CD79B: variants seen among roughly 807,000 people sequenced by gnomAD.
The protein encoded by CD79B is CD79b molecule, also known as B-cell antigen receptor complex-associated protein beta chain.
A neutral mutation model predicts 30.0 loss-of-function variants in CD79B; 7 were observed. The observed-to-expected ratio is 0.23, with a 90% confidence interval of 0.13 to 0.44. The LOEUF (loss-of-function observed/expected upper bound fraction) is 0.44. Among genes scored for constraint, CD79B ranks in the 20% least tolerant of loss-of-function variants. The pLI, the probability that CD79B is intolerant of heterozygous loss-of-function variation, is 1.00. For synonymous variants in CD79B, 118 were observed against 119.2 expected (o/e 0.99, Z 0.07); for missense variants, 218 against 299.1 (o/e 0.73, Z 2.00).
At position 63,931,316 on chromosome 17, in the gene CD79B, G is replaced by C. The variant is rs200473170; in HGVS notation, c.118+19C>G. The C allele has an allele frequency of 6.2e-7, 1 of 1,612,974 alleles. No individual in the cohort carries two copies. The highest frequency in any genetic ancestry group is 1.1e-5 in the South Asian group (1 of 91,044). On this transcript the variant is annotated intron_variant, in intron 2 of 5. Coordinates refer to ENST00000006750, the MANE Select transcript of CD79B (RefSeq NM_000626.4). ...TCGCACACAACTTGCCCTCAGAAGC[G>C]GCAGGCGAGGCTACTGACCTTTGGG...
chr17:63,931,803 T>C, intron 1 of CD79B: 1 of 373,710 alleles, frequency 2.7e-6, no homozygotes, highest in Non-Finnish European at 5.1e-6. Flanking sequence ...ATCTTTCACC[T>C]CCCAGAGGAG....
intron 4 of CD79B, 23 bp downstream of exon 4, chr17:63,929,746 AG>A (rs763704741): frequency 6.4e-7 from 1 of 1,553,014 alleles, no homozygotes; most frequent in South Asian, 1.1e-5. Flanking sequence ...CGGTCCCCCA[AG>A]GCTTCCCCCG....
intron 1 of CD79B, 50 bp from the exon 2 acceptor site, chr17:63,931,435 T>G: frequency 6.3e-7 from 1 of 1,578,984 alleles, no homozygotes; most frequent in South Asian, 1.1e-5. Context: ...TCCTCTGGCC[T>G]GGGCTGCCCC....
chr17:63,930,640 T>C, intron 2 of CD79B: 1 of 570,502 alleles, frequency 1.8e-6, no homozygotes, highest in South Asian at 2.0e-5. Context: ...CGATTTTCCT[T>C]TGGAAGAGCC....
chr17:63,929,758 T>G lies in CD79B; in HGVS notation c.549+12A>C. ...CTGCGGTCCCCCAAGGCTTCCCCCG[T>G]CCCCTGATCACCTTGTCCAGCAGCA... On this transcript the variant is annotated intron_variant, in intron 4 of 5. Coordinates refer to ENST00000006750, the MANE Select transcript of CD79B (RefSeq NM_000626.4). 1 of 1,584,390 alleles carries G rather than the reference T, an allele frequency of 6.3e-7. No homozygotes were observed. The highest frequency in any genetic ancestry group is 8.6e-7 in the Non-Finnish European group (1 of 1,158,416).
In CD79B at chr17:63,928,981, C is replaced by G. The variant is rs1907945558; in HGVS notation, c.*245G>C. 1 of 572,714 alleles carries G rather than the reference C, an allele frequency of 1.7e-6. No individual in the cohort carries two copies. The highest frequency in any genetic ancestry group is 1.9e-5 in the African/African-American group (1 of 53,568). The allele number at this position is 572,714 out of a possible 1,614,324, so 35.5% of individuals were successfully genotyped here. ...GGGGACGGATCACCTCATAGCACCC[C>G]CAGAAGGCTGGGTCCCGTCCATCCC... On this transcript the variant is annotated 3_prime_UTR_variant, in exon 6 of 6. Coordinates refer to ENST00000006750, the MANE Select transcript of CD79B (RefSeq NM_000626.4).
chr17:63,930,667 C>G (rs1027922445), intron 2 of CD79B, among the ~76,000 whole-genome samples: 3 of 152,200 alleles, frequency 2.0e-5, no homozygotes, highest in Non-Finnish European at 4.4e-5. Context: ...CCTTGCCATT[C>G]CTTCCTATGC....
intron 2 of CD79B, chr17:63,930,649 C>G: frequency 1.8e-6 from 1 of 564,692 alleles, no homozygotes; most frequent in Non-Finnish European, 3.2e-6. Context: ...TTTGGAAGAG[C>G]CCTGGGACCT....
chr17:63,929,527 C>T, intron 4 of CD79B, 52 bp from the exon 5 acceptor site: 5 of 1,600,404 alleles, frequency 3.1e-6, no homozygotes, highest in Non-Finnish European at 4.3e-6. Context: ...CCAGCCCCAT[C>T]CCCTGCTGGG....
intron 1 of CD79B, chr17:63,931,860 C>T: frequency 2.2e-6 from 1 of 461,410 alleles, no homozygotes; most frequent in Non-Finnish European, 4.0e-6. Flanking sequence ...GTTGGGACAG[C>T]CTCTCCCCTC....
intron 3 of CD79B, 63 bp downstream of exon 3, chr17:63,930,011 G>T (rs1340762045): frequency 6.3e-7 from 1 of 1,589,594 alleles, no homozygotes; most frequent in Admixed American, 1.7e-5. Flanking sequence ...ATCACCACAA[G>T]AGGCAGGCCG....
At chr17:63,930,858 G>A in intron 2 of CD79B, 3 of 303,162 alleles carry the variant, frequency 9.9e-6, no homozygotes, top group Admixed American at 4.7e-5. Context: ...CCCCCTCCCT[G>A]CATGACTTCC....
At chr17:63,929,599 A>T (rs1440174295) in intron 4 of CD79B, 124 bp from the exon 5 acceptor site, 2 of 1,078,246 alleles carry the variant, frequency 1.9e-6, no homozygotes, top group Non-Finnish European at 2.8e-6. Flanking sequence ...TTCTGCAAGA[A>T]CAGCTGAATG....
In CD79B at chr17:63,929,463, C is replaced by T; in HGVS notation, c.562G>A (p.Ala188Thr). 1 of 1,613,892 alleles carries T rather than the reference C, an allele frequency of 6.2e-7. No individual in the cohort carries two copies. Among genetic ancestry groups the T allele is most frequent in the Non-Finnish European group, 8.5e-7 (1 of 1,180,026 alleles). Residue 188 changes from alanine (A) to threonine (T), a missense_variant, in exon 5 of 6, where the codon GCT becomes ACT. Coordinates refer to ENST00000006750, the MANE Select transcript of CD79B (RefSeq NM_000626.4). ...TAGGTGTGATCTTCCTCCATGCCAGCCTTGCTGTCATCCTGGGGGCGGAGA... is the reference window on the plus strand; with the variant it reads ...TAGGTGTGATCTTCCTCCATGCCAGTCTTGCTGTCATCCTGGGGGCGGAGA... The part of the protein sequence containing the change: ...FLLLDKDDSK[A>T]GMEEDHTYEG...
rs2144755333 is a variant in CD79B, at chr17:63,929,237, C to T, written c.679G>A (p.Gly227Ser). The change falls in exon 6 of 6, where the codon GGC (glycine) becomes AGC (serine). Residue 227 changes from glycine (G) to serine (S), a missense_variant. By Grantham distance (56) the Gly-to-Ser change is moderately conservative. Transcript: ENST00000006750. ...GGGCGACCTGGCTCTCACTCCTGGC[C>T]TGGGTGCTCACCTACAGACCACTTC... ...EVKWSVGEHP[G>S]QE is the part of the protein sequence containing the mutation. The T allele has an allele frequency of 1.2e-6, 2 of 1,612,290 alleles. No homozygotes were observed. The highest frequency in any genetic ancestry group is 1.7e-6 in the Non-Finnish European group (2 of 1,178,356).
At position 63,930,052 on chromosome 17, in the gene CD79B, G is replaced by A. The variant is rs200615521; in HGVS notation, c.430+22C>T. The A allele has an allele frequency of 2.1e-3, 3,410 of 1,612,102 alleles. 3 individuals carry two copies. The highest frequency in any genetic ancestry group is 2.7e-3 in the Admixed American group (163 of 59,850). ...GGGTGGGGCGGACAGCTACAGGAGC[G>A]TCCCAGCCACCTGGCACACACCCAT... On this transcript the variant is annotated intron_variant, in intron 3 of 5. Transcript: ENST00000006750.
intron 4 of CD79B, 141 bp downstream of exon 4, chr17:63,929,629 G>C: frequency 2.0e-6 from 2 of 982,150 alleles, no homozygotes; most frequent in East Asian, 5.0e-5. Flanking sequence ...AGGAAGGAAT[G>C]ATTGAATTGG....
At chr17:63,929,598 A>C (rs1339339488) in intron 4 of CD79B, 123 bp from the exon 5 acceptor site, 7 of 1,101,114 alleles carry the variant, frequency 6.4e-6, no homozygotes, top group Non-Finnish European at 6.9e-6. Context: ...ATTCTGCAAG[A>C]ACAGCTGAAT....
At position 63,932,270 on chromosome 17, in the gene CD79B, C is replaced by T. The variant is rs1213274913; in HGVS notation, c.-9G>A. The T allele has an allele frequency of 2.5e-6, 4 of 1,611,470 alleles. No homozygotes were observed. Among genetic ancestry groups the T allele is most frequent in the African/African-American group, 2.7e-5 (2 of 74,936 alleles). On this transcript the variant is annotated 5_prime_UTR_variant, in exon 1 of 6. Transcript: ENST00000006750. ...AACGCCAGCCTGGCCATGGTCACCG[C>T]TCTGTCCCCGACCCCAAACCCGTGA...
Sources: allele counts gnomAD v4.1 joint callset (sites outside exome capture counted in the v4.1 genomes callset), GRCh38; gene constraint gnomAD v4.1.1; transcripts MANE v1.5; gene names NCBI Gene and HGNC (gene_info 2026-07-23, HGNC 2026-07-21).